Variants in EMCN observed in about 807,000 individuals in gnomAD.
EMCN encodes endomucin, also known as MUC-14.
EMCN carries 37 observed loss-of-function variants against 38.4 expected under a neutral mutation model. The observed-to-expected ratio is 0.96, with a 90% CI of 0.74 to 1.27. EMCN has a LOEUF of 1.27. EMCN is among the 50% of genes most tolerant of loss of function. EMCN has a pLI of 0.00. For missense variants in EMCN, 318 were observed against 302.8 expected (o/e 1.05, Z -0.37); for synonymous variants, 95 against 100.8 (o/e 0.94, Z 0.35).
chr4:100,455,662 A>G (rs925318886), intron 4 of EMCN, among the ~76,000 whole-genome samples: 1 of 151,768 alleles, frequency 6.6e-6, no homozygotes. Flanking sequence ...TTTTCTCTTT[A>G]TCTCCGGTTT....
intron 5 of EMCN, 54 bp from the exon 6 acceptor site, chr4:100,423,458 G>C (rs1248765036): frequency 8.0e-7 from 1 of 1,250,762 alleles, no homozygotes; most frequent in Non-Finnish European, 1.2e-6. Context: ...CCTTCATATG[G>C]GATTTCTTTG....
chr4:100,419,369 A>C (rs755358200), intron 8 of EMCN, among the ~76,000 whole-genome samples: 4 of 152,094 alleles, frequency 2.6e-5, no homozygotes, highest in Non-Finnish European at 5.9e-5. Context: ...AGTGCTGTAA[A>C]TTCTGTCTCA....
intron 5 of EMCN, among the ~76,000 whole-genome samples, chr4:100,425,003 G>A (rs746165289): frequency 6.6e-6 from 1 of 151,980 alleles, no homozygotes; most frequent in South Asian, 2.1e-4. Flanking sequence ...CAGTGCCAAT[G>A]GTTATTGCTA....
rs114602971 is a variant in EMCN at position 100,417,128 on chromosome 4, A to G, written c.678T>C (p.Asn226=). 5 of 1,613,712 alleles carry G rather than the reference A, an allele frequency of 3.1e-6. No homozygotes were observed. In the African/African-American group the frequency reaches 6.7e-5, roughly 22 times the overall value. Residue 226 remains asparagine, a synonymous_variant, in exon 9 of 12, where the codon AAT becomes AAC. Transcript: ENST00000296420. ...ATGGGCTTACTTACTGATCATTTCC[A>G]TTTTCTGGTGTGCCTAGGAGAAGAG... ...CWKADPGTPE[N]GNDQPQSDKE...
At chr4:100,444,082 C>T (rs992325966) in intron 5 of EMCN, among the ~76,000 whole-genome samples, 18 of 152,190 alleles carry the variant, frequency 1.2e-4, no homozygotes, top group African/African-American at 4.3e-4. Flanking sequence ...GTAGCTTGGA[C>T]CTTGGTGGGA....
chr4:100,501,538 A>T (rs115906905), intron 1 of EMCN, among the ~76,000 whole-genome samples: 1 of 152,124 alleles, frequency 6.6e-6, no homozygotes, highest in Non-Finnish European at 1.5e-5. Context: ...TTCTTTAAAA[A>T]TTACTAAGGA....
At chr4:100,401,742 G>C (rs1038444263) in intron 11 of EMCN, among the ~76,000 whole-genome samples, 7 of 152,144 alleles carry the variant, frequency 4.6e-5, no homozygotes, top group African/African-American at 7.2e-5. Context: ...CTGAGGGTCT[G>C]TGGGAACGGA....
At chr4:100,460,497 G>A (rs1728149543) in intron 4 of EMCN, among the ~76,000 whole-genome samples, 1 of 152,134 alleles carries the variant, frequency 6.6e-6, no homozygotes, top group African/African-American at 2.4e-5. Flanking sequence ...CATGGCTGAA[G>A]GCTAATGAGG....
chr4:100,452,586 C>T (rs1466833017), intron 4 of EMCN, among the ~76,000 whole-genome samples: 1 of 152,118 alleles, frequency 6.6e-6, no homozygotes, highest in Non-Finnish European at 1.5e-5. Context: ...GTCCCTCCTT[C>T]CCTGCCAATC....
intron 4 of EMCN, among the ~76,000 whole-genome samples, chr4:100,461,310 A>T (rs1410370373): frequency 6.6e-6 from 1 of 151,804 alleles, no homozygotes; most frequent in Non-Finnish European, 1.5e-5. Context: ...TACCATCACC[A>T]CTTGCTTTTT....
chr4:100,413,068 A>G (rs1007174192), intron 10 of EMCN, among the ~76,000 whole-genome samples: 1 of 152,208 alleles, frequency 6.6e-6, no homozygotes, highest in Non-Finnish European at 1.5e-5. Flanking sequence ...GGTCTGTACC[A>G]TAGTAAAATG....
At chr4:100,400,887 T>C (rs1025137074) in intron 11 of EMCN, among the ~76,000 whole-genome samples, 4 of 152,180 alleles carry the variant, frequency 2.6e-5, no homozygotes, top group Non-Finnish European at 5.9e-5. Context: ...CTTTGCTTTT[T>C]TTTTACAACA....
intron 4 of EMCN, among the ~76,000 whole-genome samples, chr4:100,455,346 A>T (rs554185913): frequency 5.3e-5 from 8 of 152,218 alleles, no homozygotes; most frequent in African/African-American, 1.9e-4. Context: ...AAAGTCTTTC[A>T]TAGTTGCTCA....
chr4:100,507,259 A>G (rs868130658), intron 1 of EMCN, among the ~76,000 whole-genome samples: 1 of 152,192 alleles, frequency 6.6e-6, no homozygotes, highest in Non-Finnish European at 1.5e-5. Context: ...GAGATTGTCA[A>G]ACAAAGCTGG....
At chr4:100,409,019 C>G (rs1375921656) in intron 11 of EMCN, among the ~76,000 whole-genome samples, 1 of 152,214 alleles carries the variant, frequency 6.6e-6, no homozygotes, top group African/African-American at 2.4e-5. Flanking sequence ...GATGGCACTC[C>G]TCTGTCTCTG....
chr4:100,409,620 A>G (rs567683300), intron 11 of EMCN, among the ~76,000 whole-genome samples: 4 of 152,340 alleles, frequency 2.6e-5, no homozygotes, highest in Admixed American at 6.5e-5. Flanking sequence ...TTACACAGCA[A>G]GACTATGTCT....
chr4:100,443,157 T>A (rs770584200), intron 5 of EMCN, among the ~76,000 whole-genome samples: 1 of 152,220 alleles, frequency 6.6e-6, no homozygotes, highest in African/African-American at 2.4e-5. Flanking sequence ...GCCCAGCTCA[T>A]TACTTTAAAT....
intron 5 of EMCN, among the ~76,000 whole-genome samples, chr4:100,436,273 T>C (rs1019897243): frequency 6.6e-6 from 1 of 152,100 alleles, no homozygotes; most frequent in African/African-American, 2.4e-5. Flanking sequence ...AAGCTCATCA[T>C]TGATCATTAG....
intron 1 of EMCN, among the ~76,000 whole-genome samples, chr4:100,510,193 A>T (rs926794128): frequency 6.6e-6 from 1 of 152,334 alleles, no homozygotes; most frequent in Middle Eastern, 3.4e-3. Context: ...GAGGATGTTG[A>T]CTATTTTCAG....
Sources: gnomAD v4.1 joint callset for allele counts (sites outside exome capture counted in the v4.1 genomes callset) on GRCh38, gnomAD v4.1.1 for gene constraint, MANE v1.5 for transcripts, NCBI Gene and HGNC (gene_info 2026-07-23, HGNC 2026-07-21) for gene names.